The following GRM8 variants were observed in gnomAD, a reference collection of about 807,000 sequenced individuals.
GRM8 encodes the protein metabotropic glutamate receptor 8.
Under a neutral mutation model 87.2 loss-of-function variants are expected in GRM8, and 47 were observed. The observed-to-expected ratio is 0.54, with a 90% CI of 0.43 to 0.69. GRM8 has a LOEUF of 0.69. Among genes scored for constraint, GRM8 ranks in the 30% least tolerant of loss-of-function variants. GRM8 has a pLI of 0.00. For missense variants in GRM8, 1,019 were observed against 1,139.2 expected (o/e 0.89, Z 1.52); for synonymous variants, 396 against 404.5 (o/e 0.98, Z 0.25).
At chr7:126,950,515 C>T (rs1009351649) in intron 3 of GRM8, among the ~76,000 whole-genome samples, 2 of 151,980 alleles carry the variant, frequency 1.3e-5, no homozygotes, top group South Asian at 2.1e-4. Flanking sequence ...CTCAGTATCG[C>T]TTTGAAATAA....
At chr7:126,714,841 AAC>A (rs1811543093) in intron 7 of GRM8, among the ~76,000 whole-genome samples, 1 of 151,978 alleles carries the variant, frequency 6.6e-6, no homozygotes. Flanking sequence ...TATATATATA[AAC>A]ACACTCTATT....
At position 126,885,060 on chromosome 7, in the gene GRM8, T is replaced by C. The variant is rs148482892; in HGVS notation, c.1156+17482A>G. Among the ~76,000 whole-genome samples the C allele has an allele frequency of 2.2e-3, 328 of 152,300 alleles. 3 individuals are homozygous for C. The highest frequency in any genetic ancestry group is 7.5e-3 in the African/African-American group (312 of 41,568). ...CAGCCACTGACTACATACCTCTGCA[T>C]CCAAAGCAGACTCAGCTTTCAGCTG... On this transcript the variant is annotated intron_variant, in intron 6 of 10. Coordinates refer to ENST00000339582, the MANE Select transcript of GRM8 (RefSeq NM_000845.3).
chr7:127,161,099 AT>A (rs1793084098), intron 2 of GRM8, among the ~76,000 whole-genome samples: 1 of 152,098 alleles, frequency 6.6e-6, no homozygotes, highest in Admixed American at 6.6e-5. Flanking sequence ...TACACTTAAA[AT>A]TTTTACTTAC....
At position 127,190,523 on chromosome 7, in the gene GRM8, G is replaced by A. The variant is rs553972103; in HGVS notation, c.510+52172C>T. Among the ~76,000 whole-genome samples the A allele has an allele frequency of 2.3e-4, 35 of 151,366 alleles. No individual in the cohort carries two copies. In the East Asian group the frequency reaches 5.4e-3, roughly 24 times the overall value. On this transcript the variant is annotated intron_variant, in intron 2 of 10. Transcript: ENST00000339582. ...CGTGCCATTGCACTCCAGCCTGGGC[G>A]ACAGAGCGAGACTCGGTCTTAAAAA...
intron 9 of GRM8, among the ~76,000 whole-genome samples, chr7:126,456,467 T>G (rs1303036491): frequency 6.8e-6 from 1 of 146,626 alleles, no homozygotes; most frequent in Non-Finnish European, 1.5e-5. Flanking sequence ...ATTTTATACC[T>G]TTTTTTTCCC....
At position 127,235,762 on chromosome 7, in the gene GRM8, T is replaced by G. The variant is rs557690195; in HGVS notation, c.510+6933A>C. On this transcript the variant is annotated intron_variant, in intron 2 of 10. Transcript: ENST00000339582. Reference sequence around the variant, plus strand: ...ACTGGTCCTGGCTAGGGTTTGGGCATCCATAATTTTTAAAAGCTATGCTGG... The same window carrying G: ...ACTGGTCCTGGCTAGGGTTTGGGCAGCCATAATTTTTAAAAGCTATGCTGG... Among the ~76,000 whole-genome samples, 83 of 152,330 alleles carry G rather than the reference T, an allele frequency of 5.4e-4. 1 individual carries two copies. Among genetic ancestry groups the G allele is most frequent in the African/African-American group, 1.9e-3 (78 of 41,570 alleles).
intron 8 of GRM8, among the ~76,000 whole-genome samples, chr7:126,546,601 G>A (rs1314251210): frequency 1.3e-5 from 2 of 152,108 alleles, no homozygotes; most frequent in East Asian, 1.9e-4. Context: ...AAAAGAAAGG[G>A]TAAGTTTAAA....
intron 3 of GRM8, among the ~76,000 whole-genome samples, chr7:126,956,147 T>G (rs1000889109): frequency 5.3e-5 from 8 of 152,292 alleles, no homozygotes; most frequent in African/African-American, 1.9e-4. Flanking sequence ...AAAATGTATA[T>G]GTAAAATATT....
At chr7:126,480,575 A>G (rs1227374634) in intron 9 of GRM8, among the ~76,000 whole-genome samples, 1 of 152,074 alleles carries the variant, frequency 6.6e-6, no homozygotes, top group African/African-American at 2.4e-5. Context: ...TATTGTATAT[A>G]AAGGGAGCCA....
intron 7 of GRM8, among the ~76,000 whole-genome samples, chr7:126,657,754 C>T (rs989010520): frequency 1.3e-5 from 2 of 152,158 alleles, no homozygotes; most frequent in South Asian, 4.1e-4. Flanking sequence ...GTACTTGAAC[C>T]TTTGAATTCA....
chr7:126,471,546 C>T lies in GRM8; in HGVS notation c.2431-25174G>A, dbSNP rs1805231141. ...GAGGGCTCTGTTCTCTTCCATTGATCTATATCTCTGTTTTGGTACCAGTAC... is the reference window on the plus strand; with the variant it reads ...GAGGGCTCTGTTCTCTTCCATTGATTTATATCTCTGTTTTGGTACCAGTAC... On this transcript the variant is annotated intron_variant, in intron 9 of 10. Transcript: ENST00000339582. Among the ~76,000 whole-genome samples the T allele has an allele frequency of 2.0e-5, 3 of 152,036 alleles. No individual in the cohort carries two copies. The East Asian group carries it at 5.8e-4, about 29-fold the overall frequency.
At chr7:126,521,282 C>T (rs2150791880) in intron 9 of GRM8, among the ~76,000 whole-genome samples, 1 of 152,228 alleles carries the variant, frequency 6.6e-6, no homozygotes. Context: ...AAAGAAAATA[C>T]ATTTCTTGGT....
At chr7:127,206,916 G>C (rs1031540074) in intron 2 of GRM8, among the ~76,000 whole-genome samples, 3 of 152,324 alleles carry the variant, frequency 2.0e-5, no homozygotes, top group Admixed American at 6.5e-5. Context: ...GCTGGTCTAA[G>C]GCAGTAATAG....
intron 10 of GRM8, among the ~76,000 whole-genome samples, chr7:126,444,856 T>A (rs117537332): frequency 0.011 from 1,626 of 152,044 alleles, 67 homozygotes; most frequent in East Asian, 0.095. Context: ...ATTTTGTCCT[T>A]AATGCCTGAC....
At chr7:126,471,068 T>G (rs1003266882) in intron 9 of GRM8, among the ~76,000 whole-genome samples, 10 of 152,332 alleles carry the variant, frequency 6.6e-5, no homozygotes, top group African/African-American at 2.4e-4. Flanking sequence ...TTGTTTGAGT[T>G]CATTGTAGAT....
At chr7:126,735,432 TAAC>T (rs1814095958) in intron 7 of GRM8, among the ~76,000 whole-genome samples, 1 of 152,034 alleles carries the variant, frequency 6.6e-6, no homozygotes, top group Admixed American at 6.6e-5. Context: ...TGAAAAATAA[TAAC>T]ACCCAGTTTT....
chr7:126,580,152 A>G (rs1446220908), intron 8 of GRM8, among the ~76,000 whole-genome samples: 1 of 152,180 alleles, frequency 6.6e-6, no homozygotes, highest in Non-Finnish European at 1.5e-5. Flanking sequence ...AGACATTGAT[A>G]CAGTTAATCT....
At chr7:127,090,719 C>T (rs1823981389) in intron 3 of GRM8, among the ~76,000 whole-genome samples, 1 of 152,118 alleles carries the variant, frequency 6.6e-6, no homozygotes, top group African/African-American at 2.4e-5. Flanking sequence ...GGTTGCGGCA[C>T]TGGCATGCCC....
intron 6 of GRM8, among the ~76,000 whole-genome samples, chr7:126,771,909 T>C (rs1818881869): frequency 6.6e-6 from 1 of 152,122 alleles, no homozygotes; most frequent in Admixed American, 6.6e-5. Context: ...TAAGCTAAGA[T>C]CCACAAGACA....
Sources: allele counts gnomAD v4.1 joint callset (sites outside exome capture counted in the v4.1 genomes callset), GRCh38; gene constraint gnomAD v4.1.1; transcripts MANE v1.5; gene names NCBI Gene and HGNC (gene_info 2026-07-23, HGNC 2026-07-21).